Variants in NAGA observed in about 807,000 individuals in gnomAD.
NAGA encodes the protein Acetylgalactosaminidase, alpha-N- (alpha-galactosidase B).
Under a neutral mutation model 45.6 loss-of-function variants are expected in NAGA, and 42 were observed. The ratio of observed to expected loss-of-function variants is 0.92; its 90% CI spans 0.72 to 1.19. The LOEUF (loss-of-function observed/expected upper bound fraction) is 1.19, where lower values mean the gene tolerates loss of function less well. Among genes scored for constraint, NAGA ranks in the 50% most tolerant of loss-of-function variants. The pLI, the probability that NAGA is intolerant of heterozygous loss-of-function variation, is 0.00. For synonymous variants in NAGA, 176 were observed against 203.1 expected (o/e 0.87, Z 1.13); for missense variants, 493 against 544.8 (o/e 0.90, Z 0.95).
chr22:42,063,474 C>T (rs1350972811), intron 6 of NAGA, among the ~76,000 whole-genome samples: 1 of 152,018 alleles, frequency 6.6e-6, no homozygotes, highest in Non-Finnish European at 1.5e-5. Flanking sequence ...ACCACCTGGC[C>T]CTAGGAGTTA....
rs752526974 is a variant in NAGA, at chr22:42,060,248, GC to G, written c.*30del. ...GGCTCCATGGTCTAGGCTCAGTGGTGCCACCACAGCCTGTCACATGTCCCAG... is the reference window on the plus strand; with the variant it reads ...GGCTCCATGGTCTAGGCTCAGTGGTGCACCACAGCCTGTCACATGTCCCAG... On this transcript the variant is annotated 3_prime_UTR_variant, in exon 9 of 9. Coordinates refer to ENST00000396398, the MANE Select transcript of NAGA (RefSeq NM_000262.3). The G allele has an allele frequency of 1.9e-6, 3 of 1,611,798 alleles. No homozygotes were observed. Among genetic ancestry groups the G allele is most frequent in the Non-Finnish European group, 2.5e-6 (3 of 1,179,928 alleles).
In NAGA at chr22:42,063,006, C is replaced by T. The variant is rs1569457527; in HGVS notation, c.778G>A (p.Gly260Ser). The change falls in exon 7 of 9, where the codon GGT (glycine) becomes AGT (serine). Residue 260 changes from glycine (G) to serine (S), a missense_variant. By Grantham distance (56) the Gly-to-Ser change is moderately conservative. Coordinates refer to ENST00000396398, the MANE Select transcript of NAGA (RefSeq NM_000262.3). ...GCCCGGGATTGCTCTAAGCTGAGAC[C>T]AAAGTTCCCAATGAGCAGCTGGGGG... ...DPDMLLIGNF[G>S]LSLEQSRAQM... The T allele has an allele frequency of 6.2e-7, 1 of 1,614,152 alleles. No homozygotes were observed. Among genetic ancestry groups the T allele is most frequent in the East Asian group, 2.2e-5 (1 of 44,884 alleles).
At chr22:42,068,374 C>T (rs1397678603) in intron 2 of NAGA, 65 bp downstream of exon 2, 1 of 1,613,016 alleles carries the variant, frequency 6.2e-7, no homozygotes, top group Non-Finnish European at 8.5e-7. Context: ...GGACTCTCCA[C>T]TTCCTGCCCC....
At chr22:42,060,562 C>G (rs1926312690) in intron 8 of NAGA, 149 bp from the exon 9 acceptor site, 1 of 1,133,972 alleles carries the variant, frequency 8.8e-7, no homozygotes, top group Non-Finnish European at 1.3e-6. Flanking sequence ...AGCCCTGAAT[C>G]CCCATCACTT....
chr22:42,068,992 C>T (rs1375186810), intron 1 of NAGA, among the ~76,000 whole-genome samples: 1 of 152,226 alleles, frequency 6.6e-6, no homozygotes, highest in Admixed American at 6.5e-5. Context: ...GATGCAGTGG[C>T]TCATGCCTGT....
rs1267280963 is a variant in NAGA, at chr22:42,059,955, G to C, written c.*324C>G. On this transcript the variant is annotated 3_prime_UTR_variant, in exon 9 of 9. Coordinates refer to ENST00000396398, the MANE Select transcript of NAGA (RefSeq NM_000262.3). ...AAAACTTCCAAATCCTGATTTCAGA[G>C]TCAACAGCAAGGTCAGAGGCTAGAG... 3 of 374,876 alleles carry C rather than the reference G, an allele frequency of 8.0e-6. No individual in the cohort carries two copies. The highest frequency in any genetic ancestry group is 6.2e-5 in the African/African-American group (3 of 48,260). The allele number at this position is 374,876 out of a possible 1,614,324, so 23.2% of individuals were successfully genotyped here.
At chr22:42,068,367 C>T in intron 2 of NAGA, 72 bp downstream of exon 2, 1 of 1,609,494 alleles carries the variant, frequency 6.2e-7, no homozygotes, top group Non-Finnish European at 8.5e-7. Flanking sequence ...TTCTAGTGGA[C>T]TCTCCACTTC....
At chr22:42,061,574 C>T (rs1025886579) in intron 7 of NAGA, among the ~76,000 whole-genome samples, 6 of 152,198 alleles carry the variant, frequency 3.9e-5, no homozygotes, top group African/African-American at 1.4e-4. Context: ...ATTGTTACTT[C>T]CTCTGGGCAT....
intron 6 of NAGA, among the ~76,000 whole-genome samples, chr22:42,063,633 C>T (rs1245920111): frequency 6.6e-6 from 1 of 152,248 alleles, no homozygotes; most frequent in Non-Finnish European, 1.5e-5. Context: ...CCCACGCTTG[C>T]GTGATGTATC....
rs1052473779 is a variant in NAGA, at chr22:42,068,512, G to A, written c.79C>T (p.Pro27Ser). Residue 27 changes from proline (P) to serine (S), a missense_variant, in exon 2 of 9, where the codon CCC (proline) becomes TCC (serine). Coordinates refer to ENST00000396398, the MANE Select transcript of NAGA (RefSeq NM_000262.3). ...MLDNGLLQTP[P>S]MGWLAWERFR... ...CGTTCCCAGGCCAGCCAGCCCATGGGTGGTGTCTGCAGGAGCCCATTGTCC... is the reference window on the plus strand; with the variant it reads ...CGTTCCCAGGCCAGCCAGCCCATGGATGGTGTCTGCAGGAGCCCATTGTCC... The A allele has an allele frequency of 1.2e-6, 2 of 1,614,178 alleles. No individual in the cohort carries two copies. Among genetic ancestry groups the A allele is most frequent in the African/African-American group, 2.7e-5 (2 of 75,038 alleles).
At chr22:42,060,668 C>T (rs985043411) in intron 8 of NAGA, among the ~76,000 whole-genome samples, 1 of 152,194 alleles carries the variant, frequency 6.6e-6, no homozygotes, top group African/African-American at 2.4e-5. Context: ...AGGGCTGACC[C>T]TTGGGAGGAG....
chr22:42,070,354 T>C lies in NAGA; in HGVS notation c.-57A>G. ...AGATCTGGTCTGCGTGTATCAGCTG[T>C]ATGTGTTGGGCTCTGGAAGCTAAGA... On this transcript the variant is annotated 5_prime_UTR_variant, in exon 1 of 9. In the 5' UTR this introduces an upstream ATG that the reference lacks. Coordinates refer to ENST00000396398, the MANE Select transcript of NAGA (RefSeq NM_000262.3). The C allele has an allele frequency of 6.2e-7, 1 of 1,607,176 alleles. No homozygotes were observed. The highest frequency in any genetic ancestry group is 1.1e-5 in the South Asian group (1 of 90,966).
rs1926204124 is a variant in NAGA, at chr22:42,058,859, A to C, written c.*1420T>G. The stretch of plus-strand genomic sequence containing the variant: ...AAGGCAGAGCTATGCACGGAGGGGC[A>C]GGCCTGGGATGAGGTAGGCTTCTGT... On this transcript the variant is annotated 3_prime_UTR_variant, in exon 9 of 9. Transcript: ENST00000396398. 6.6e-6 allele frequency: 1 copy of C among 152,356 alleles called. No homozygotes were observed. Among genetic ancestry groups the C allele is most frequent in the African/African-American group, 2.4e-5 (1 of 41,466 alleles). 9.4% of individuals were successfully genotyped at this position (152,356 alleles called of 1,614,324 possible). A position where few individuals can be genotyped will look rare whatever the true frequency, so the allele number is the denominator to read the frequency against.
In NAGA at chr22:42,068,552, G is replaced by A; in HGVS notation, c.39C>T (p.Ala13=). The part of the protein sequence containing the change: ...LKTVLLLGHV[A]QVLMLDNGLL... ...GCCCATTGTCCAGCATCAGCACCTG[G>A]GCCACATGTCCCAGCAAGAGCACTA... Residue 13 remains alanine, a synonymous_variant, in exon 2 of 9, where the codon GCC becomes GCT. Coordinates refer to ENST00000396398, the MANE Select transcript of NAGA (RefSeq NM_000262.3). 6.2e-7 allele frequency: 1 copy of A among 1,614,126 alleles called. No individual in the cohort carries two copies. Among genetic ancestry groups the A allele is most frequent in the Non-Finnish European group, 8.5e-7 (1 of 1,180,014 alleles).
Position 42,069,619 on chromosome 22 carries a change from C to CAAA in NAGA, c.16+660_16+662dup, listed in dbSNP as rs60526991. ...TGGGTGACAGAGTGAGACTCCGTCTCAAAAAAAAAAAAAAAAAAAAAGTGC... is the reference window on the plus strand; with the variant it reads ...TGGGTGACAGAGTGAGACTCCGTCTCAAAAAAAAAAAAAAAAAAAAAAAAGTGC... On this transcript the variant is annotated intron_variant, in intron 1 of 8. Transcript: ENST00000396398. Among the ~76,000 whole-genome samples the CAAA allele has an allele frequency of 2.0e-4, 19 of 93,878 alleles. 1 individual carries two copies. Among genetic ancestry groups the CAAA allele is most frequent in the African/African-American group, 7.7e-4 (18 of 23,506 alleles). The allele number at this position is 93,878 out of a possible 152,430, so 61.6% of individuals were successfully genotyped here.
chr22:42,063,038 AGAG>A lies in NAGA; in HGVS notation c.760-17_760-15del, dbSNP rs749656484. The A allele has an allele frequency of 1.9e-5, 30 of 1,612,982 alleles. 2 individuals carry two copies. The highest frequency in any genetic ancestry group is 1.8e-4 in the East Asian group (8 of 44,890). On this transcript the variant is annotated splice_polypyrimidine_tract_variant and intron_variant, in intron 6 of 8. Coordinates refer to ENST00000396398, the MANE Select transcript of NAGA (RefSeq NM_000262.3). ...CCCAATGAGCAGCTGGGGGCAGAGA[AGAG>A]GAGTAGTCAGCTCTCATCTCCTCAA... is the stretch of plus-strand genomic sequence containing the variant.
At chr22:42,061,692 C>T (rs1926403745) in intron 7 of NAGA, among the ~76,000 whole-genome samples, 1 of 152,144 alleles carries the variant, frequency 6.6e-6, no homozygotes, top group African/African-American at 2.4e-5. Context: ...TGCCTGTAAT[C>T]CCATTACTTT....
At chr22:42,063,170 C>A in intron 6 of NAGA, 146 bp from the exon 7 acceptor site, 1 of 804,890 alleles carries the variant, frequency 1.2e-6, no homozygotes, top group Non-Finnish European at 2.0e-6. Flanking sequence ...CAGCAAACAC[C>A]ATTCCCTAGC....
In NAGA at chr22:42,060,263, C is replaced by T; in HGVS notation, c.*16G>A. 2.5e-6 allele frequency: 4 copies of T among 1,612,786 alleles called. No homozygotes were observed. The South Asian group carries it at 3.3e-5, about 13-fold the overall frequency. On this transcript the variant is annotated 3_prime_UTR_variant, in exon 9 of 9. Transcript: ENST00000396398. ...GCTCAGTGGTGCCACCACAGCCTGT[C>T]ACATGTCCCAGCTCCTCACTGCTGG...
Sources: allele counts gnomAD v4.1 joint callset (sites outside exome capture counted in the v4.1 genomes callset), GRCh38; gene constraint gnomAD v4.1.1; transcripts MANE v1.5; gene names NCBI Gene and HGNC (gene_info 2026-07-23, HGNC 2026-07-21).